Variants in BRWD1 observed in about 807,000 individuals in gnomAD.
The protein encoded by BRWD1 is bromodomain and WD repeat domain containing 1.
Under a neutral mutation model 251.2 loss-of-function variants are expected in BRWD1, and 82 were observed. The ratio of observed to expected loss-of-function variants is 0.33; its 90% CI spans 0.27 to 0.39. The LOEUF is 0.39. Ranked by LOEUF, BRWD1 falls within the 10% of genes least tolerant of loss-of-function variation. The probability of loss-of-function intolerance (pLI) is 1.00; values close to 1 mark genes in which losing one functional copy is unlikely to be tolerated. For synonymous variants in BRWD1, 918 were observed against 902.8 expected (o/e 1.02, Z -0.30); for missense variants, 2,233 against 2,711.6 (o/e 0.82, Z 3.92).
chr21:39,200,264 T>G lies in BRWD1; in HGVS notation c.4708A>C (p.Ser1570Arg), dbSNP rs1249072229. The G allele has an allele frequency of 6.2e-7, 1 of 1,614,002 alleles. No individual in the cohort carries two copies. Among genetic ancestry groups the G allele is most frequent in the Admixed American group, 1.7e-5 (1 of 59,990 alleles). The change falls in exon 39 of 41, where the codon AGC becomes CGC. Residue 1570 changes from serine to arginine, a missense_variant. Coordinates refer to ENST00000342449, the MANE Select transcript of BRWD1 (RefSeq NM_033656.4). ...SSSRSGLSRS[S>R]NLRVTRTRAA... ...CTAGTTCTGGTTACCCTGAGATTGCTGCTTCTGGATAGCCCACTGCGTGAG... is the reference window on the plus strand; with the variant it reads ...CTAGTTCTGGTTACCCTGAGATTGCGGCTTCTGGATAGCCCACTGCGTGAG...
Position 39,258,753 on chromosome 21 carries a change from C to CAATAGGGTACAATAAAA in BRWD1, c.1886-82_1886-81insTTTTATTGTACCCTATT, listed in dbSNP as rs1423102085. ...TTTCGTTAGGGTACAAATTAAAATA[C>CAATAGGGTACAATAAAA]ATTAACAATGGTCAGAATTTCCCAT... is the stretch of plus-strand genomic sequence containing the variant. On this transcript the variant is annotated intron_variant, in intron 17 of 40. Coordinates refer to ENST00000342449, the MANE Select transcript of BRWD1 (RefSeq NM_033656.4). The CAATAGGGTACAATAAAA allele has an allele frequency of 1.2e-4, 107 of 928,990 alleles. 1 individual carries two copies. The African/African-American group carries it at 1.7e-3, about 15-fold the overall frequency. The allele number at this position is 928,990 out of a possible 1,614,324, so 57.5% of individuals were successfully genotyped here.
intron 36 of BRWD1, among the ~76,000 whole-genome samples, chr21:39,208,734 A>G (rs1484477563): frequency 6.6e-6 from 1 of 151,934 alleles, no homozygotes; most frequent in Non-Finnish European, 1.5e-5. Context: ...AACACGGGCT[A>G]ATTTTTTTAT....
At position 39,192,629 on chromosome 21, in the gene BRWD1, A is replaced by G. The variant is rs143707409; in HGVS notation, c.*3630T>C. On this transcript the variant is annotated 3_prime_UTR_variant, in exon 41 of 41. Coordinates refer to ENST00000342449, the MANE Select transcript of BRWD1 (RefSeq NM_033656.4). ...ACTGCAAGATACCTGATAAATAAAT[A>G]TATCAACTTACTATTCATGAAAAGA... The G allele has an allele frequency of 2.3e-5, 23 of 983,248 alleles. No individual in the cohort carries two copies. Among genetic ancestry groups the G allele is most frequent in the East Asian group, 1.1e-4 (1 of 8,810 alleles). 60.9% of individuals were successfully genotyped at this position (983,248 alleles called of 1,614,324 possible).
chr21:39,272,314 A>T (rs1249654986), intron 13 of BRWD1, among the ~76,000 whole-genome samples: 8 of 150,062 alleles, frequency 5.3e-5, no homozygotes, highest in South Asian at 4.2e-4. Context: ...ATAAATAAAA[A>T]AAAAAAAAAA....
At chr21:39,286,750 G>A (rs1011700553) in intron 8 of BRWD1, among the ~76,000 whole-genome samples, 3 of 151,880 alleles carry the variant, frequency 2.0e-5, no homozygotes, top group African/African-American at 7.3e-5. Flanking sequence ...TCCTGACCTC[G>A]TGATCCGCCC....
chr21:39,263,409 T>A (rs1456929841), intron 17 of BRWD1, among the ~76,000 whole-genome samples: 6 of 151,802 alleles, frequency 4.0e-5, no homozygotes, highest in Admixed American at 3.9e-4. Flanking sequence ...ACATCCTACA[T>A]CCAGAAAAGG....
rs757709609 is a variant in BRWD1, at chr21:39,312,924, G to A, written c.139-24C>T. The A allele has an allele frequency of 1.9e-5, 25 of 1,289,270 alleles. No homozygotes were observed. The East Asian group carries it at 4.3e-4, about 22-fold the overall frequency. 79.9% of individuals were successfully genotyped at this position (1,289,270 alleles called of 1,614,324 possible). A position where few individuals can be genotyped will look rare whatever the true frequency, so the allele number is the denominator to read the frequency against. On this transcript the variant is annotated intron_variant, in intron 3 of 40. Transcript: ENST00000342449. ...AACTGGAAAGACACGAAACGCACAC[G>A]AGTGACCACCCCTCCGGCGCGGGGG...
chr21:39,296,191 T>C, intron 6 of BRWD1, 74 bp downstream of exon 6: 2 of 1,230,744 alleles, frequency 1.6e-6, no homozygotes, highest in Non-Finnish European at 2.2e-6. Context: ...TAAATTTTAA[T>C]ACAGCATTTA....
intron 18 of BRWD1, 67 bp from the exon 19 acceptor site, chr21:39,255,895 A>G: frequency 7.1e-7 from 1 of 1,413,322 alleles, no homozygotes; most frequent in Non-Finnish European, 9.9e-7. Flanking sequence ...AGCATGTAAC[A>G]AGCACACGTT....
intron 15 of BRWD1, among the ~76,000 whole-genome samples, chr21:39,268,902 A>G (rs762326333): frequency 2.0e-5 from 3 of 152,012 alleles, no homozygotes; most frequent in Non-Finnish European, 2.9e-5. Flanking sequence ...GCAGGAGAAT[A>G]GCGTGAACCC....
intron 30 of BRWD1, 113 bp from the exon 31 acceptor site, chr21:39,218,385 A>C (rs970230075): frequency 1.4e-6 from 2 of 1,439,174 alleles, no homozygotes; most frequent in Non-Finnish European, 1.9e-6. Flanking sequence ...GGCTAAATTA[A>C]AAGATAACCA....
At chr21:39,312,602 C>G in intron 4 of BRWD1, 1 of 365,306 alleles carries the variant, frequency 2.7e-6, no homozygotes. Flanking sequence ...GCAGGACCTC[C>G]GCGAGTCGCC....
At chr21:39,255,334 C>G (rs535677189) in intron 19 of BRWD1, among the ~76,000 whole-genome samples, 1 of 152,118 alleles carries the variant, frequency 6.6e-6, no homozygotes, top group East Asian at 1.9e-4. Context: ...ATCGCTTGAT[C>G]CCGGGAGGTG....
At position 39,186,968 on chromosome 21, in the gene BRWD1, T is replaced by C; in HGVS notation, c.*9291A>G. ...TTTAGAGCTGGGAGCAGAATGTAAC[T>C]GCCAGTTTACTTGTGTACCAATTGT... is the stretch of plus-strand genomic sequence containing the variant. On this transcript the variant is annotated 3_prime_UTR_variant, in exon 41 of 41. Coordinates refer to ENST00000342449, the MANE Select transcript of BRWD1 (RefSeq NM_033656.4). 6.7e-7 allele frequency: 1 copy of C among 1,503,642 alleles called. No homozygotes were observed. Among genetic ancestry groups the C allele is most frequent in the Non-Finnish European group, 8.8e-7 (1 of 1,131,818 alleles). 93.1% of individuals were successfully genotyped at this position (1,503,642 alleles called of 1,614,324 possible). A position where few individuals can be genotyped will look rare whatever the true frequency, so the allele number is the denominator to read the frequency against.
chr21:39,317,574 A>C (rs2036711131), upstream of BRWD1, among the ~76,000 whole-genome samples: 1 of 152,228 alleles, frequency 6.6e-6, no homozygotes, highest in Non-Finnish European at 1.5e-5. Flanking sequence ...AAACACTGCA[A>C]AGTCCATTCT....
In BRWD1 at chr21:39,195,402, T is replaced by C. The variant is rs2031760214; in HGVS notation, c.*857A>G. 1 of 985,466 alleles carries C rather than the reference T, an allele frequency of 1.0e-6. No individual in the cohort carries two copies. Among genetic ancestry groups the C allele is most frequent in the Non-Finnish European group, 1.2e-6 (1 of 829,730 alleles). The allele number at this position is 985,466 out of a possible 1,614,324, so 61.0% of individuals were successfully genotyped here. ...ATCTAAGGCACACGAATTCCTCTAT[T>C]TCACAGAGTAAGATTATGGAAGAGC... On this transcript the variant is annotated 3_prime_UTR_variant, in exon 41 of 41. Coordinates refer to ENST00000342449, the MANE Select transcript of BRWD1 (RefSeq NM_033656.4).
In BRWD1 at chr21:39,229,363, G is replaced by T; in HGVS notation, c.3074C>A (p.Ala1025Glu). The T allele has an allele frequency of 6.2e-7, 1 of 1,606,680 alleles. No individual in the cohort carries two copies. The highest frequency in any genetic ancestry group is 8.5e-7 in the Non-Finnish European group (1 of 1,173,590). Reference protein sequence around the residue: ...GPPTLCCLKLAFIDPATGKLM... With the variant: ...GPPTLCCLKLEFIDPATGKLM... The stretch of plus-strand genomic sequence containing the variant: ...TTTTCCAGTTGCTGGATCTATAAAT[G>T]CTAGTTTTAGGCAACAGAGTGTAGG... The change falls in exon 26 of 41, where the codon GCA (alanine) becomes GAA (glutamate). Residue 1025 changes from alanine to glutamate, a missense_variant. By Grantham distance (107) the Ala-to-Glu change is moderately radical. This residue lies in a region of BRWD1 where 139 missense variants were observed against 272.8 expected (regional missense o/e 0.51). Coordinates refer to ENST00000342449, the MANE Select transcript of BRWD1 (RefSeq NM_033656.4).
Position 39,195,250 on chromosome 21 carries a change from G to T in BRWD1, c.*1009C>A. 9.8e-7 allele frequency: 1 copy of T among 1,020,718 alleles called. No homozygotes were observed. The highest frequency in any genetic ancestry group is 4.8e-4 in the Middle Eastern group (1 of 2,074). The allele number at this position is 1,020,718 out of a possible 1,614,324, so 63.2% of individuals were successfully genotyped here. On this transcript the variant is annotated 3_prime_UTR_variant, in exon 41 of 41. Coordinates refer to ENST00000342449, the MANE Select transcript of BRWD1 (RefSeq NM_033656.4). ...TGACATTTAGCTATTTTCCTATATA[G>T]ATAAGATTTGCAATTGTACTCTTAA...
chr21:39,195,113 A>G lies in BRWD1; in HGVS notation c.*1146T>C. The stretch of plus-strand genomic sequence containing the variant: ...AAATTATTTTCCCACAAAACATGAC[A>G]GTTTCTTATATTTGGACTAGAAGTC... On this transcript the variant is annotated 3_prime_UTR_variant, in exon 41 of 41. Coordinates refer to ENST00000342449, the MANE Select transcript of BRWD1 (RefSeq NM_033656.4). 8.5e-7 allele frequency: 1 copy of G among 1,177,520 alleles called. No individual in the cohort carries two copies. Among genetic ancestry groups the G allele is most frequent in the Non-Finnish European group, 1.1e-6 (1 of 949,220 alleles). 72.9% of individuals were successfully genotyped at this position (1,177,520 alleles called of 1,614,324 possible).
Sources: allele counts gnomAD v4.1 joint callset (sites outside exome capture counted in the v4.1 genomes callset), GRCh38; gene constraint gnomAD v4.1.1; regional missense constraint gnomAD v4.1.1; transcripts MANE v1.5; gene names NCBI Gene and HGNC (gene_info 2026-07-23, HGNC 2026-07-21).